The following EGFR variants were observed in gnomAD, a reference collection of about 807,000 sequenced individuals.
EGFR encodes the protein epidermal growth factor receptor, also known as avian erythroblastic leukemia viral (v-erb-b) oncogene homolog.
In EGFR, 58 loss-of-function variants were observed where a neutral mutation model predicts 143.0. That is an observed-to-expected ratio of 0.41 (90% CI 0.33 to 0.50). The LOEUF (loss-of-function observed/expected upper bound fraction) is 0.50, where lower values mean the gene tolerates loss of function less well. Among genes scored for constraint, EGFR ranks in the 20% least tolerant of loss-of-function variants. The pLI is 0.39. For synonymous variants in EGFR, 613 were observed against 594.4 expected (o/e 1.03, Z -0.45); for missense variants, 1,307 against 1,579.0 (o/e 0.83, Z 2.92).
intron 20 of EGFR, among the ~76,000 whole-genome samples, chr7:55,187,566 T>C (rs1398320117): frequency 6.6e-6 from 1 of 152,176 alleles, no homozygotes; most frequent in Non-Finnish European, 1.5e-5. Flanking sequence ...TCTGACACTT[T>C]CCTGCCTCTT....
At chr7:55,096,009 G>A (rs28656910) in intron 1 of EGFR, among the ~76,000 whole-genome samples, 129 of 151,978 alleles carry the variant, frequency 8.5e-4, no homozygotes, top group African/African-American at 3.0e-3. Flanking sequence ...ACACACACAG[G>A]CACACACGTG....
intron 1 of EGFR, among the ~76,000 whole-genome samples, chr7:55,131,403 G>T (rs1369711912): frequency 6.6e-6 from 1 of 151,964 alleles, no homozygotes; most frequent in Non-Finnish European, 1.5e-5. Flanking sequence ...GCAGTGGACT[G>T]CTCATTGGTA....
At chr7:55,158,288 A>AATAT (rs1309055230) in intron 11 of EGFR, among the ~76,000 whole-genome samples, 1 of 152,198 alleles carries the variant, frequency 6.6e-6, no homozygotes, top group Non-Finnish European at 1.5e-5. Flanking sequence ...AAGCATCTTT[A>AATAT]ATATGGTAAT....
chr7:55,201,889 T>G (rs1787865991), intron 26 of EGFR, 107 bp downstream of exon 26: 29 of 1,394,906 alleles, frequency 2.1e-5, no homozygotes, highest in Non-Finnish European at 2.7e-5. Flanking sequence ...TAATCTTGAG[T>G]TTTCTTCCTG....
chr7:55,195,309 T>G (rs142971248), intron 22 of EGFR, among the ~76,000 whole-genome samples: 1 of 152,288 alleles, frequency 6.6e-6, no homozygotes, highest in East Asian at 1.9e-4. Context: ...GTGGTTCCGT[T>G]TGGGAATGGC....
Position 55,174,705 on chromosome 7 carries a change from T to TTC in EGFR, c.2185-9_2185-8dup. 1 of 1,605,464 alleles carries TTC rather than the reference T, an allele frequency of 6.2e-7. No individual in the cohort carries two copies. The highest frequency in any genetic ancestry group is 8.5e-7 in the Non-Finnish European group (1 of 1,172,274). On this transcript the variant is annotated splice_polypyrimidine_tract_variant and intron_variant, in intron 18 of 27. Transcript: ENST00000275493. The stretch of plus-strand genomic sequence containing the variant: ...TCACAATTGCCAGTTAACGTCTTCC[T>TTC]TCTCTCTCTGTCATAGGGACTCTGG...
At chr7:55,022,831 G>A (rs1032947273) in intron 1 of EGFR, among the ~76,000 whole-genome samples, 1 of 152,192 alleles carries the variant, frequency 6.6e-6, no homozygotes, top group Non-Finnish European at 1.5e-5. Context: ...ACCGATTGCC[G>A]AAAGTCCATT....
intron 1 of EGFR, among the ~76,000 whole-genome samples, chr7:55,106,804 C>T (rs1177809929): frequency 6.6e-6 from 1 of 152,120 alleles, no homozygotes; most frequent in Non-Finnish European, 1.5e-5. Context: ...AAAATGTACA[C>T]TGTAAAGTGT....
At chr7:55,155,987 C>A (rs2128937699) in intron 8 of EGFR, 41 bp downstream of exon 8, 1 of 1,473,856 alleles carries the variant, frequency 6.8e-7, no homozygotes, top group East Asian at 2.3e-5. Context: ...TTGTTCTCGG[C>A]TGCTGAGGCT....
chr7:55,089,551 A>G (rs1790977216), intron 1 of EGFR, among the ~76,000 whole-genome samples: 1 of 152,184 alleles, frequency 6.6e-6, no homozygotes, highest in Admixed American at 6.5e-5. Flanking sequence ...CTTTCACACA[A>G]CACTATCTCC....
intron 1 of EGFR, chr7:55,109,703 T>C: frequency 4.1e-6 from 4 of 984,256 alleles, no homozygotes; most frequent in Non-Finnish European, 4.8e-6. Context: ...TATAAACTTT[T>C]GACTCACAGG....
chr7:55,178,411 T>A (rs2128956567), intron 19 of EGFR, among the ~76,000 whole-genome samples: 1 of 152,358 alleles, frequency 6.6e-6, no homozygotes, highest in South Asian at 2.1e-4. Context: ...GTCTAAAGTC[T>A]GTTAACTGGA....
intron 1 of EGFR, among the ~76,000 whole-genome samples, chr7:55,119,664 G>A (rs920015115): frequency 2.0e-5 from 3 of 152,164 alleles, no homozygotes; most frequent in Non-Finnish European, 4.4e-5. Flanking sequence ...TCGCTCTGGC[G>A]TGGCCTGGCC....
At chr7:55,102,189 C>T (rs1022159928) in intron 1 of EGFR, among the ~76,000 whole-genome samples, 4 of 152,188 alleles carry the variant, frequency 2.6e-5, no homozygotes, top group Non-Finnish European at 5.9e-5. Flanking sequence ...CCCAGAGCCT[C>T]AGCTCCCCAC....
At chr7:55,053,935 T>C (rs1023581393) in intron 1 of EGFR, among the ~76,000 whole-genome samples, 1 of 152,206 alleles carries the variant, frequency 6.6e-6, no homozygotes, top group Non-Finnish European at 1.5e-5. Flanking sequence ...CAGGAGACAG[T>C]GATGATTTCT....
chr7:55,170,519 T>C (rs755742111), intron 15 of EGFR: 20 of 1,613,602 alleles, frequency 1.2e-5, no homozygotes, highest in East Asian at 1.1e-4. Flanking sequence ...GCATCTGTGA[T>C]CATCACGGCC....
intron 1 of EGFR, among the ~76,000 whole-genome samples, chr7:55,111,636 G>A (rs764363419): frequency 8.5e-5 from 13 of 152,178 alleles, no homozygotes; most frequent in East Asian, 1.9e-4. Context: ...GCATTGGCTC[G>A]GGAGTGAGTG....
At chr7:55,104,259 G>T (rs1435560411) in intron 1 of EGFR, among the ~76,000 whole-genome samples, 1 of 152,240 alleles carries the variant, frequency 6.6e-6, no homozygotes, top group Non-Finnish European at 1.5e-5. Flanking sequence ...CCGAGGCATG[G>T]AGAGCAAGTG....
chr7:55,055,061 G>A (rs1788726642), intron 1 of EGFR, among the ~76,000 whole-genome samples: 2 of 152,156 alleles, frequency 1.3e-5, no homozygotes, highest in South Asian at 4.1e-4. Context: ...TCCCCGATGG[G>A]GGGTTTCCCT....
Sources: gnomAD v4.1 joint callset for allele counts (sites outside exome capture counted in the v4.1 genomes callset) on GRCh38, gnomAD v4.1.1 for gene constraint, MANE v1.5 for transcripts, NCBI Gene and HGNC (gene_info 2026-07-23, HGNC 2026-07-21) for gene names.